Variants in ABHD12 observed in about 807,000 individuals in gnomAD.
ABHD12 encodes lysophosphatidylserine lipase ABHD12.
Under a neutral mutation model 58.3 loss-of-function variants are expected in ABHD12, and 43 were observed. The observed-to-expected ratio is 0.74, with a 90% CI of 0.58 to 0.95. The LOEUF (loss-of-function observed/expected upper bound fraction) is 0.95, where lower values mean the gene tolerates loss of function less well. Among genes scored for constraint, ABHD12 ranks in the 40% least tolerant of loss-of-function variants. The pLI, the probability that ABHD12 is intolerant of heterozygous loss-of-function variation, is 0.00. For synonymous variants in ABHD12, 219 were observed against 211.2 expected (o/e 1.04, Z -0.32); for missense variants, 539 against 537.2 (o/e 1.00, Z -0.03).
chr20:25,364,684 C>T (rs947485747), intron 1 of ABHD12, among the ~76,000 whole-genome samples: 1 of 152,172 alleles, frequency 6.6e-6, no homozygotes, highest in Non-Finnish European at 1.5e-5. Context: ...TTCCTGTTCC[C>T]AAAACATACG....
At position 25,330,367 on chromosome 20, in the gene ABHD12, G is replaced by C. The variant is rs1464564104; in HGVS notation, c.317-6937C>G. On this transcript the variant is annotated intron_variant, in intron 2 of 12. Coordinates refer to ENST00000339157, the MANE Select transcript of ABHD12 (RefSeq NM_001042472.3). ...ACAGCAGTCTGAGATCAAACTGCAA[G>C]GCAGCAGCGAGGCTTGGGGAGGGGC... is the stretch of plus-strand genomic sequence containing the variant. Among the ~76,000 whole-genome samples, 3 of 152,232 alleles carry C rather than the reference G, an allele frequency of 2.0e-5. No individual in the cohort carries two copies. In the East Asian group the frequency reaches 5.8e-4, roughly 29 times the overall value.
At chr20:25,366,910 C>T (rs956859180) in intron 1 of ABHD12, among the ~76,000 whole-genome samples, 4 of 152,196 alleles carry the variant, frequency 2.6e-5, no homozygotes, top group Non-Finnish European at 5.9e-5. Context: ...CCAGACCCCA[C>T]ACACCTCTCT....
At chr20:25,312,888 C>CGGAGCCCCTCCGCCCGAGAAGTGA (rs2076652178) in intron 6 of ABHD12, among the ~76,000 whole-genome samples, 1 of 122,102 alleles carries the variant, frequency 8.2e-6, no homozygotes, top group Admixed American at 8.2e-5. Context: ...CTGAGAAGTG[C>CGGAGCCCCTCCGCCCGAGAAGTGA]GGAGCCCCTC....
At chr20:25,326,324 T>C (rs548884202) in intron 2 of ABHD12, among the ~76,000 whole-genome samples, 171 of 152,300 alleles carry the variant, frequency 1.1e-3, no homozygotes, top group Non-Finnish European at 2.0e-3. Flanking sequence ...TCAAAGGACT[T>C]ATAGCGCCAA....
At chr20:25,304,009 G>A (rs1451448836) in intron 10 of ABHD12, among the ~76,000 whole-genome samples, 1 of 152,246 alleles carries the variant, frequency 6.6e-6, no homozygotes, top group Non-Finnish European at 1.5e-5. Context: ...ATCTGTGTAA[G>A]TGACATTTAT....
rs11477490 is a variant in ABHD12, at chr20:25,385,331, C to CAAAAA, written c.191+5177_191+5181dup. 2.7e-4 allele frequency among the ~76,000 whole-genome samples: 14 copies of CAAAAA among 51,720 alleles called. 1 individual carries two copies. The highest frequency in any genetic ancestry group is 9.8e-4 in the African/African-American group (13 of 13,214). The allele number at this position is 51,720 out of a possible 152,430, so 33.9% of individuals were successfully genotyped here. On this transcript the variant is annotated intron_variant, in intron 1 of 12. Transcript: ENST00000339157. ...CAACCTGGACAACAAGAGTGAGACT[C>CAAAAA]AAAAAAAAAAAAAAAAAAAAAAAAG...
At chr20:25,334,401 T>C (rs1430133504) in intron 2 of ABHD12, among the ~76,000 whole-genome samples, 3 of 150,394 alleles carry the variant, frequency 2.0e-5, no homozygotes, top group Non-Finnish European at 3.0e-5. Flanking sequence ...ACAGATTCAA[T>C]GCCATCCCCA....
chr20:25,339,736 G>A (rs2089430438), intron 1 of ABHD12: 8 of 1,340,300 alleles, frequency 6.0e-6, no homozygotes, highest in Admixed American at 4.2e-5. Flanking sequence ...CTCCCGATCC[G>A]TCTTCTGTGA....
At chr20:25,295,509 A>T, downstream of ABHD12, 1 of 1,398,206 alleles carries the variant, frequency 7.2e-7, no homozygotes, top group South Asian at 1.2e-5. Flanking sequence ...GACCAGGTGG[A>T]TGGTGCCTGG....
intron 6 of ABHD12, among the ~76,000 whole-genome samples, chr20:25,312,406 C>A (rs1329462603): frequency 6.6e-6 from 1 of 152,164 alleles, no homozygotes; most frequent in African/African-American, 2.4e-5. Flanking sequence ...GTCTTCAGCT[C>A]CTAACCGCGA....
intron 12 of ABHD12, 110 bp downstream of exon 12, chr20:25,302,085 AGGCTCCCAAATCACTGTGACTCTT>A: frequency 7.7e-7 from 1 of 1,305,362 alleles, no homozygotes; most frequent in South Asian, 1.2e-5. Flanking sequence ...AGGAAATGGA[AGGCTCCCAAATCACTGTGACTCTT>A]GGCCCCACTG....
At position 25,314,909 on chromosome 20, in the gene ABHD12, G is replaced by T. The variant is rs1384127490; in HGVS notation, c.619+16C>A. On this transcript the variant is annotated intron_variant, in intron 6 of 12. Transcript: ENST00000339157. ...AGTGGAATTGTGCTCAGATGCTCTT[G>T]CAAAAGAAATCTCACCTCTGTAGTC... 2 of 1,613,916 alleles carry T rather than the reference G, an allele frequency of 1.2e-6. No individual in the cohort carries two copies. The highest frequency in any genetic ancestry group is 2.7e-5 in the African/African-American group (2 of 74,910).
chr20:25,372,714 T>C (rs752589259), intron 1 of ABHD12, among the ~76,000 whole-genome samples: 1 of 152,240 alleles, frequency 6.6e-6, no homozygotes, highest in African/African-American at 2.4e-5. Flanking sequence ...ATGATTATAA[T>C]AGAACTAAAA....
intron 2 of ABHD12, among the ~76,000 whole-genome samples, chr20:25,336,015 C>T (rs1243669565): frequency 6.6e-6 from 1 of 151,766 alleles, no homozygotes; most frequent in Non-Finnish European, 1.5e-5. Context: ...TGACCTATTT[C>T]CAAAAAAGCC....
chr20:25,303,619 G>A lies in ABHD12; in HGVS notation c.960C>T (p.His320=), dbSNP rs146195280. 5.0e-4 allele frequency: 807 copies of A among 1,613,768 alleles called. 1 individual carries two copies. The highest frequency in any genetic ancestry group is 2.8e-3 in the Middle Eastern group (17 of 6,062). Residue 320 remains histidine, a synonymous_variant, in exon 11 of 13, where the codon CAC becomes CAT. Transcript: ENST00000339157. ...GCAGGATGAGCAGGGGACAGGAGAT[G>A]TGCTTCACGCTGTAGGAGGGAGAAG... is the stretch of plus-strand genomic sequence containing the variant. ...IKFANDENVK[H]ISCPLLILHA... is the part of the protein sequence containing the mutation.
At chr20:25,347,696 G>A (rs2089538379) in intron 1 of ABHD12, among the ~76,000 whole-genome samples, 1 of 151,924 alleles carries the variant, frequency 6.6e-6, no homozygotes, top group African/African-American at 2.4e-5. Flanking sequence ...TGGGCACAGT[G>A]TGCATGCCTG....
At chr20:25,317,588 G>A (rs997985720) in intron 4 of ABHD12, among the ~76,000 whole-genome samples, 1 of 152,176 alleles carries the variant, frequency 6.6e-6, no homozygotes, top group African/African-American at 2.4e-5. Flanking sequence ...TGCTGCTGTG[G>A]CCACCCTGCC....
downstream of ABHD12, chr20:25,300,143 C>G (rs1029754187): frequency 2.1e-6 from 2 of 965,454 alleles, no homozygotes; most frequent in South Asian, 9.6e-5. Flanking sequence ...CGGCTAGAGG[C>G]TAGGCTGTGG....
chr20:25,339,834 T>G, intron 1 of ABHD12: 1 of 1,130,146 alleles, frequency 8.8e-7, no homozygotes, highest in Non-Finnish European at 1.1e-6. Context: ...CCTGACCAGG[T>G]CCTCAGAGAG....
Sources: allele counts gnomAD v4.1 joint callset (sites outside exome capture counted in the v4.1 genomes callset), GRCh38; gene constraint gnomAD v4.1.1; transcripts MANE v1.5; gene names NCBI Gene and HGNC (gene_info 2026-07-23, HGNC 2026-07-21).